KLF7: variants seen among roughly 807,000 people sequenced by gnomAD.
KLF7 encodes Krueppel-like factor 7.
Under a neutral mutation model 27.3 loss-of-function variants are expected in KLF7, and 2 were observed. That is an observed-to-expected ratio of 0.07 (90% confidence interval 0.03 to 0.23). The LOEUF (loss-of-function observed/expected upper bound fraction) is 0.23, where lower values mean the gene tolerates loss of function less well. Ranked by LOEUF, KLF7 falls within the 10% of genes least tolerant of loss-of-function variation. The pLI, the probability that KLF7 is intolerant of heterozygous loss-of-function variation, is 1.00. For synonymous variants in KLF7, 165 were observed against 162.4 expected (o/e 1.02, Z -0.12); for missense variants, 221 against 394.1 (o/e 0.56, Z 3.72).
intron 1 of KLF7, among the ~76,000 whole-genome samples, chr2:207,129,393 T>C (rs1383637456): frequency 3.9e-5 from 6 of 152,086 alleles, no homozygotes; most frequent in Admixed American, 6.6e-5. Context: ...CCCTAAAAAA[T>C]TCATTACAGT....
At chr2:207,173,535 G>T in the KLF7 span, 1 of 151,946 alleles carries the variant, frequency 6.6e-6, no homozygotes, top group Non-Finnish European at 1.5e-5. Flanking sequence ...AATTAACCAA[G>T]AACTCTTATT....
At chr2:207,108,038 TC>T (rs1283165402) in intron 2 of KLF7, among the ~76,000 whole-genome samples, 1 of 152,200 alleles carries the variant, frequency 6.6e-6, no homozygotes. Context: ...TGGTAATTGA[TC>T]CCACAAGCTT....
chr2:207,106,454 G>A lies in KLF7; in HGVS notation c.733+17320C>T, dbSNP rs76156445. ...ATTTAGAAAGCAGTGCCCATGAGAT[G>A]AAAAAAAATTGATTGAAAGGACATC... On this transcript the variant is annotated intron_variant, in intron 2 of 3. Transcript: ENST00000309446. Among the ~76,000 whole-genome samples the A allele has an allele frequency of 1.3e-5, 2 of 151,956 alleles. 1 individual carries two copies. The highest frequency in any genetic ancestry group is 4.2e-4 in the South Asian group (2 of 4,810).
intron 1 of KLF7, among the ~76,000 whole-genome samples, chr2:207,151,700 T>C (rs990021698): frequency 6.7e-6 from 1 of 148,150 alleles, no homozygotes; most frequent in Admixed American, 6.8e-5. Flanking sequence ...CACAGTCAAA[T>C]AGTCATTGGT....
chr2:207,102,210 C>A (rs1384283118), intron 2 of KLF7, among the ~76,000 whole-genome samples: 3 of 150,742 alleles, frequency 2.0e-5, no homozygotes, highest in African/African-American at 7.3e-5. Context: ...ATATTGACAC[C>A]CACATATGTA....
Position 207,124,018 on chromosome 2 carries a change from C to A in KLF7, c.489G>T (p.Thr163=), listed in dbSNP as rs751386461. The A allele has an allele frequency of 1.2e-6, 2 of 1,614,156 alleles. No homozygotes were observed. Among genetic ancestry groups the A allele is most frequent in the South Asian group, 2.2e-5 (2 of 91,078 alleles). ...QTLSAVDGTV[T]LKLVAKKAAL... Reference sequence around the variant, plus strand: ...CAGCCTTCTTGGCCACCAGTTTCAACGTCACCGTGCCATCCACGGCAGAGA... The same window carrying A: ...CAGCCTTCTTGGCCACCAGTTTCAAAGTCACCGTGCCATCCACGGCAGAGA... The change falls in exon 2 of 4, where the codon ACG becomes ACT. Residue 163 remains threonine (T), a synonymous_variant. Coordinates refer to ENST00000309446, the MANE Select transcript of KLF7 (RefSeq NM_003709.4).
At chr2:207,088,642 C>G (rs1338871434) in intron 2 of KLF7, 61 bp from the exon 3 acceptor site, 1 of 1,565,904 alleles carries the variant, frequency 6.4e-7, no homozygotes, top group Non-Finnish European at 8.7e-7. Context: ...TACACCCAAC[C>G]AGCCTGTGCT....
At chr2:207,120,277 A>G (rs568449660) in intron 2 of KLF7, among the ~76,000 whole-genome samples, 10 of 152,344 alleles carry the variant, frequency 6.6e-5, no homozygotes, top group South Asian at 2.1e-4. Flanking sequence ...AAAAAAATGC[A>G]TATCTTTTTC....
At chr2:207,168,209 A>C (rs2078757483), upstream of KLF7, among the ~76,000 whole-genome samples, 1 of 152,200 alleles carries the variant, frequency 6.6e-6, no homozygotes, top group African/African-American at 2.4e-5. Flanking sequence ...AAGTGAACTT[A>C]TTTTGTGTGT....
intron 2 of KLF7, among the ~76,000 whole-genome samples, chr2:207,113,298 CTT>C (rs1199314468): frequency 6.6e-6 from 1 of 151,928 alleles, no homozygotes; most frequent in East Asian, 1.9e-4. Context: ...CTTCAAATGT[CTT>C]GTTTCCTTTA....
rs59847589 is a variant in KLF7, at chr2:207,081,061, A to ATG, written c.*150_*151dup. 0.14 allele frequency: 90,474 copies of ATG among 635,780 alleles called. 2,476 individuals are homozygous for ATG. Among genetic ancestry groups the ATG allele is most frequent in the African/African-American group, 0.26 (14,578 of 55,340 alleles). The allele number at this position is 635,780 out of a possible 1,614,324, so 39.4% of individuals were successfully genotyped here. ...TGTGTGGGTCTGTGAGTGTGTGTATATGTGTGTGTGTGTGTGTGTGTGTAC... is the reference window on the plus strand; with the variant it reads ...TGTGTGGGTCTGTGAGTGTGTGTATATGTGTGTGTGTGTGTGTGTGTGTGTAC... On this transcript the variant is annotated 3_prime_UTR_variant, in exon 4 of 4. Transcript: ENST00000309446.
intron 1 of KLF7, among the ~76,000 whole-genome samples, chr2:207,137,214 C>T (rs1019848080): frequency 6.6e-6 from 1 of 152,192 alleles, no homozygotes; most frequent in Admixed American, 6.5e-5. Flanking sequence ...GCAACTCCAG[C>T]CACCAGTCTC....
rs541063229 is a variant in KLF7, at chr2:207,127,647, G to T, written c.103-3243C>A. 2.0e-4 allele frequency among the ~76,000 whole-genome samples: 31 copies of T among 152,186 alleles called. No homozygotes were observed. In the South Asian group the frequency reaches 4.6e-3, roughly 22 times the overall value. On this transcript the variant is annotated intron_variant, in intron 1 of 3. Coordinates refer to ENST00000309446, the MANE Select transcript of KLF7 (RefSeq NM_003709.4). ...AATTGAGGTCAGGAGTTTGAAACCAGCCTGGCCAATATGATGAAACCCCAT... is the reference window on the plus strand; with the variant it reads ...AATTGAGGTCAGGAGTTTGAAACCATCCTGGCCAATATGATGAAACCCCAT...
intron 2 of KLF7, among the ~76,000 whole-genome samples, chr2:207,116,838 G>A (rs1162346566): frequency 1.3e-5 from 2 of 152,064 alleles, no homozygotes; most frequent in East Asian, 1.9e-4. Context: ...TTTCTGAAAT[G>A]AGATTCCTCT....
chr2:207,164,363 C>T (rs1048589503), intron 1 of KLF7, among the ~76,000 whole-genome samples: 13 of 152,182 alleles, frequency 8.5e-5, no homozygotes, highest in African/African-American at 3.1e-4. Context: ...ACGGACTGTA[C>T]AAGTTCACAC....
chr2:207,088,447 C>G lies in KLF7; in HGVS notation c.857+11G>C, dbSNP rs1444665397. 1 of 1,613,000 alleles carries G rather than the reference C, an allele frequency of 6.2e-7. No individual in the cohort carries two copies. Among genetic ancestry groups the G allele is most frequent in the Admixed American group, 1.7e-5 (1 of 59,994 alleles). Reference sequence around the variant, plus strand: ...CTCCTCCCTAGCCCATCAACTTCTACTTCTCTTTACCTGTCGCAGTGGTTG... The same window carrying G: ...CTCCTCCCTAGCCCATCAACTTCTAGTTCTCTTTACCTGTCGCAGTGGTTG... On this transcript the variant is annotated intron_variant, in intron 3 of 3. Coordinates refer to ENST00000309446, the MANE Select transcript of KLF7 (RefSeq NM_003709.4).
At chr2:207,149,995 C>T (rs2078198446) in intron 1 of KLF7, among the ~76,000 whole-genome samples, 1 of 152,176 alleles carries the variant, frequency 6.6e-6, no homozygotes, top group South Asian at 2.1e-4. Flanking sequence ...TAATGAGTCA[C>T]TGTAGCCACA....
chr2:207,137,059 T>G (rs755270578), intron 1 of KLF7, among the ~76,000 whole-genome samples: 1 of 152,084 alleles, frequency 6.6e-6, no homozygotes, highest in Non-Finnish European at 1.5e-5. Flanking sequence ...ATGCATTCAC[T>G]AACATGAACA....
chr2:207,165,900 G>C lies in KLF7; in HGVS notation c.-332C>G. On this transcript the variant is annotated 5_prime_UTR_variant, in exon 1 of 4. In the 5' UTR this introduces an upstream ATG that the reference lacks. Transcript: ENST00000309446. ...CTCCAGCTCGTGGATCAGGAAGGGGGATGCAAACTCACTGACACGAAGCTG... is the reference window on the plus strand; with the variant it reads ...CTCCAGCTCGTGGATCAGGAAGGGGCATGCAAACTCACTGACACGAAGCTG... 1.8e-6 allele frequency: 2 copies of C among 1,138,310 alleles called. No homozygotes were observed. Among genetic ancestry groups the C allele is most frequent in the Non-Finnish European group, 2.2e-6 (2 of 923,226 alleles). The allele number at this position is 1,138,310 out of a possible 1,614,324, so 70.5% of individuals were successfully genotyped here.
Sources: allele counts gnomAD v4.1 joint callset (sites outside exome capture counted in the v4.1 genomes callset), GRCh38; gene constraint gnomAD v4.1.1; transcripts MANE v1.5; gene names NCBI Gene and HGNC (gene_info 2026-07-23, HGNC 2026-07-21).